The following UBE2E3 variants were observed in gnomAD, a reference collection of about 807,000 sequenced individuals.
UBE2E3 encodes the protein ubiquitin conjugating enzyme E2 E3, also known as ubiquitin-conjugating enzyme E2 E3.
UBE2E3 carries 5 observed loss-of-function variants against 23.6 expected under a neutral mutation model. The observed-to-expected ratio is 0.21, with a 90% CI of 0.11 to 0.44. The LOEUF (loss-of-function observed/expected upper bound fraction) is 0.44, where lower values mean the gene tolerates loss of function less well. Among genes scored for constraint, UBE2E3 ranks in the 20% least tolerant of loss-of-function variants. The probability of loss-of-function intolerance (pLI) is 0.99; values close to 1 mark genes in which losing one functional copy is unlikely to be tolerated. For missense variants in UBE2E3, 81 were observed against 249.8 expected, an observed-to-expected ratio of 0.32 and a Z score of 4.55; for synonymous variants, 78 against 87.5, an observed-to-expected ratio of 0.89 and a Z score of 0.60.
At chr2:181,017,539 C>T (rs183070706) in intron 3 of UBE2E3, among the ~76,000 whole-genome samples, 6 of 151,808 alleles carry the variant, frequency 4.0e-5, no homozygotes, top group African/African-American at 1.5e-4. Context: ...TGTGTATTGT[C>T]TAAAGTCACC....
chr2:180,980,932 C>G lies in UBE2E3; in HGVS notation c.-67C>G, dbSNP rs1292707138. The G allele has an allele frequency of 1.3e-5, 2 of 148,212 alleles. No homozygotes were observed. The highest frequency in any genetic ancestry group is 3.0e-5 in the Non-Finnish European group (2 of 66,170). The allele number at this position is 148,212 out of a possible 1,614,324, so 9.2% of individuals were successfully genotyped here. ...AGGGTTTTTTTCTCTCTCCCTCCCC[C>G]ACACCGTAGCGGCGCGCGAGCGGGC... On this transcript the variant is annotated 5_prime_UTR_variant, in exon 1 of 6. Coordinates refer to ENST00000410062, the MANE Select transcript of UBE2E3 (RefSeq NM_006357.4). This position sits in a 1 kb window ranked among gnomAD's most constrained non-coding sequence, Gnocchi z 5.5.
At position 181,040,878 on chromosome 2, in the gene UBE2E3, A is replaced by G. The variant is rs184219371; in HGVS notation, c.246-16815A>G. Among the ~76,000 whole-genome samples, 35 of 152,250 alleles carry G rather than the reference A, an allele frequency of 2.3e-4. No individual in the cohort carries two copies. The East Asian group carries it at 6.4e-3, about 28-fold the overall frequency. On this transcript the variant is annotated intron_variant, in intron 3 of 5. Transcript: ENST00000410062. ...AATGAGCTATTTTTTTACCTTAGAA[A>G]AGCAGAAGACTTGAATTTTCATAAG...
chr2:181,047,407 C>T (rs1354731681), intron 3 of UBE2E3, among the ~76,000 whole-genome samples: 1 of 152,026 alleles, frequency 6.6e-6, no homozygotes, highest in Non-Finnish European at 1.5e-5. Flanking sequence ...AGGACCAGGC[C>T]CCTTTATCTT....
chr2:181,007,494 A>G (rs1025203961), intron 3 of UBE2E3, among the ~76,000 whole-genome samples: 6 of 140,494 alleles, frequency 4.3e-5, no homozygotes, highest in Non-Finnish European at 6.2e-5. Flanking sequence ...TGAACTAAGT[A>G]TAATTGTTTT....
intron 3 of UBE2E3, among the ~76,000 whole-genome samples, chr2:181,028,112 G>A (rs1182001564): frequency 1.3e-5 from 2 of 151,700 alleles, no homozygotes; most frequent in Admixed American, 6.6e-5. Flanking sequence ...ATTACTAAAC[G>A]GCATATATTG....
At chr2:181,018,360 C>G (rs1574187019) in intron 3 of UBE2E3, among the ~76,000 whole-genome samples, 2 of 142,662 alleles carry the variant, frequency 1.4e-5, no homozygotes, top group Non-Finnish European at 3.1e-5. Flanking sequence ...ATTTTTATCT[C>G]TGTGTGTGTG....
chr2:180,993,081 T>G (rs1316374975), intron 3 of UBE2E3, among the ~76,000 whole-genome samples: 1 of 152,240 alleles, frequency 6.6e-6, no homozygotes, highest in Admixed American at 6.5e-5. Context: ...CTTGGGATTT[T>G]TATCTCTGTT....
At chr2:181,051,750 G>A (rs1395918612) in intron 3 of UBE2E3, among the ~76,000 whole-genome samples, 1 of 151,716 alleles carries the variant, frequency 6.6e-6, no homozygotes, top group East Asian at 1.9e-4. Context: ...CAAATTCTTA[G>A]GACTATTAAA....
intron 3 of UBE2E3, among the ~76,000 whole-genome samples, chr2:181,050,687 C>T (rs1186312106): frequency 6.6e-6 from 1 of 151,808 alleles, no homozygotes; most frequent in South Asian, 2.1e-4. Context: ...AATCTTAGCT[C>T]TGCATATACG....
chr2:181,018,598 G>GTT (rs4018770), intron 3 of UBE2E3, among the ~76,000 whole-genome samples: 5,225 of 128,860 alleles, frequency 0.041, 204 homozygotes, highest in East Asian at 0.16. Context: ...CAATTTCTGT[G>GTT]TTTTTTTTTT....
rs531238423 is a variant in UBE2E3 at position 181,037,861 on chromosome 2, G to A, written c.246-19832G>A. 6.6e-5 allele frequency among the ~76,000 whole-genome samples: 10 copies of A among 152,228 alleles called. No homozygotes were observed. In the South Asian group the frequency reaches 2.1e-3, roughly 32 times the overall value. On this transcript the variant is annotated intron_variant, in intron 3 of 5. Coordinates refer to ENST00000410062, the MANE Select transcript of UBE2E3 (RefSeq NM_006357.4). ...CATATGCCTGTAGTCCCAGGTGCTT[G>A]GGAGGCTGAGGTGGGAGGACCACTT...
chr2:181,059,462 A>G, intron 4 of UBE2E3, among the ~76,000 whole-genome samples: 1 of 151,778 alleles, frequency 6.6e-6, no homozygotes, highest in East Asian at 1.9e-4. Context: ...TAAAATCTAC[A>G]TGTATAATTT....
intron 3 of UBE2E3, among the ~76,000 whole-genome samples, chr2:181,039,281 TAAA>T (rs373555892): frequency 0.23 from 35,065 of 151,698 alleles, 4,373 homozygotes; most frequent in Non-Finnish European, 0.28. Context: ...AAATGGTGAA[TAAA>T]TTTTATAAAT....
intron 3 of UBE2E3, among the ~76,000 whole-genome samples, chr2:181,026,102 A>G (rs1685874088): frequency 6.6e-6 from 1 of 151,920 alleles, no homozygotes; most frequent in Non-Finnish European, 1.5e-5. Flanking sequence ...CGTAGAATCA[A>G]ATCTGTTGGG....
chr2:180,984,020 G>C, intron 2 of UBE2E3, 23 bp from the exon 3 acceptor site: 2 of 1,600,236 alleles, frequency 1.2e-6, no homozygotes, highest in Non-Finnish European at 1.7e-6. Flanking sequence ...AATCCTTTTT[G>C]TCTCTTCTCA....
intron 3 of UBE2E3, among the ~76,000 whole-genome samples, chr2:181,049,597 T>G (rs753893601): frequency 1.3e-5 from 2 of 152,018 alleles, no homozygotes; most frequent in South Asian, 4.1e-4. Flanking sequence ...GGCCTTAAGA[T>G]AGACAAAGCA....
At position 181,047,470 on chromosome 2, in the gene UBE2E3, A is replaced by C. The variant is rs192090597; in HGVS notation, c.246-10223A>C. 1.6e-3 allele frequency among the ~76,000 whole-genome samples: 250 copies of C among 152,224 alleles called. 1 individual carries two copies. The highest frequency in any genetic ancestry group is 3.0e-3 in the Non-Finnish European group (201 of 67,992). ...CTTTTGGATATCTCATAAACTTCTT[A>C]GTCCCAGTGTATCCAAAACCAACTT... On this transcript the variant is annotated intron_variant, in intron 3 of 5. Coordinates refer to ENST00000410062, the MANE Select transcript of UBE2E3 (RefSeq NM_006357.4).
At chr2:181,034,635 C>T (rs1418411465) in intron 3 of UBE2E3, among the ~76,000 whole-genome samples, 1 of 152,042 alleles carries the variant, frequency 6.6e-6, no homozygotes, top group Non-Finnish European at 1.5e-5. Flanking sequence ...ATGTAACGAA[C>T]CTGCACGTTG....
intron 3 of UBE2E3, among the ~76,000 whole-genome samples, chr2:181,038,512 A>AT (rs1353106205): frequency 3.3e-5 from 5 of 152,254 alleles, no homozygotes; most frequent in African/African-American, 1.2e-4. Flanking sequence ...AGCTAAAGCT[A>AT]TAACTTCTAG....
Sources: gnomAD v4.1 joint callset for allele counts (sites outside exome capture counted in the v4.1 genomes callset) on GRCh38, gnomAD v4.1.1 for gene constraint, Gnocchi (gnomAD v3.1) non-coding constraint, MANE v1.5 for transcripts, NCBI Gene and HGNC (gene_info 2026-07-23, HGNC 2026-07-21) for gene names.